Variants in FAM171A1 observed in about 807,000 individuals in gnomAD.
FAM171A1 encodes protein FAM171A1.
A neutral mutation model predicts 74.9 loss-of-function variants in FAM171A1; 23 were observed. That is an observed-to-expected ratio of 0.31 (90% confidence interval 0.22 to 0.44). FAM171A1 has a LOEUF of 0.44. Among genes scored for constraint, FAM171A1 ranks in the 20% least tolerant of loss-of-function variants. FAM171A1 has a pLI of 1.00. For missense variants in FAM171A1, 1,162 were observed against 1,159.2 expected (o/e 1.00, Z -0.03); for synonymous variants, 527 against 505.7 (o/e 1.04, Z -0.57).
intron 5 of FAM171A1, among the ~76,000 whole-genome samples, chr10:15,227,154 C>A (rs979486046): frequency 5.9e-5 from 9 of 152,134 alleles, no homozygotes; most frequent in Admixed American, 1.3e-4. Context: ...CACCTGCCAC[C>A]ACAACCAGCT....
rs1833907980 is a variant in FAM171A1, at chr10:15,212,837, C to G, written c.*78G>C. On this transcript the variant is annotated 3_prime_UTR_variant, in exon 8 of 8. Transcript: ENST00000378116. ...CGGCTGGGCTGCCGTTCCGTTTCCT[C>G]CACGAACGGGTACGCGCTTCCATGA... The G allele has an allele frequency of 1.3e-6, 2 of 1,557,356 alleles. No homozygotes were observed. Among genetic ancestry groups the G allele is most frequent in the South Asian group, 2.5e-5 (2 of 81,440 alleles).
chr10:15,226,299 G>A (rs372005031), intron 5 of FAM171A1, among the ~76,000 whole-genome samples: 8 of 152,302 alleles, frequency 5.3e-5, no homozygotes, highest in Non-Finnish European at 7.4e-5. Flanking sequence ...GCCTGTTACC[G>A]GGACTGCATG....
chr10:15,235,435 C>T (rs1834275563), intron 5 of FAM171A1, among the ~76,000 whole-genome samples: 1 of 150,068 alleles, frequency 6.7e-6, no homozygotes, highest in Admixed American at 6.6e-5. Flanking sequence ...AACATACATA[C>T]ACATGACATC....
In FAM171A1 at chr10:15,367,598, T is replaced by C. The variant is rs539050123; in HGVS notation, c.97+3358A>G. ...TGGATGATCCTCCTGATACCTTACA[T>C]GGCTTCGTGGTCTTTCAACAGATCC... On this transcript the variant is annotated intron_variant, in intron 1 of 7. Transcript: ENST00000378116. Among the ~76,000 whole-genome samples the C allele has an allele frequency of 2.0e-5, 3 of 152,352 alleles. 1 individual carries two copies. The East Asian group carries it at 5.8e-4, about 29-fold the overall frequency.
intron 5 of FAM171A1, among the ~76,000 whole-genome samples, chr10:15,224,541 C>T (rs1366245406): frequency 1.3e-5 from 2 of 152,050 alleles, no homozygotes; most frequent in Non-Finnish European, 2.9e-5. Flanking sequence ...CCCACAATTC[C>T]TGTGTGTTGT....
At chr10:15,341,701 G>A (rs1835766353) in intron 1 of FAM171A1, among the ~76,000 whole-genome samples, 1 of 152,208 alleles carries the variant, frequency 6.6e-6, no homozygotes, top group South Asian at 2.1e-4. Flanking sequence ...TTATCAGAGA[G>A]TATGCAGAGC....
intron 1 of FAM171A1, among the ~76,000 whole-genome samples, chr10:15,355,749 G>A (rs949644587): frequency 6.6e-6 from 1 of 151,812 alleles, no homozygotes; most frequent in Non-Finnish European, 1.5e-5. Context: ...AAATAAATAA[G>A]TAAAGAGGGA....
chr10:15,303,623 G>C (rs922474318), intron 1 of FAM171A1, among the ~76,000 whole-genome samples: 13 of 152,220 alleles, frequency 8.5e-5, no homozygotes, highest in African/African-American at 3.1e-4. Context: ...ATGGGAAGTT[G>C]TTTTTTCAAG....
chr10:15,219,613 G>A (rs1171020288), intron 6 of FAM171A1, among the ~76,000 whole-genome samples: 4 of 151,960 alleles, frequency 2.6e-5, no homozygotes, highest in Admixed American at 1.3e-4. Context: ...AGGGTGTCTC[G>A]CTCTGTCGCC....
intron 5 of FAM171A1, among the ~76,000 whole-genome samples, chr10:15,221,642 G>A (rs774349650): frequency 2.0e-5 from 3 of 152,224 alleles, no homozygotes; most frequent in Non-Finnish European, 4.4e-5. Context: ...GGTCCCTGCT[G>A]TATCTTCCAG....
rs577407168 is a variant in FAM171A1, at chr10:15,263,932, C to T, written c.419-9053G>A. ...CCGTCCATCCTTCCGTCCGTCCGTC[C>T]GTCCATCCATCCATCCAACCATCCA... On this transcript the variant is annotated intron_variant, in intron 3 of 7. Coordinates refer to ENST00000378116, the MANE Select transcript of FAM171A1 (RefSeq NM_001010924.2). Among the ~76,000 whole-genome samples, 13 of 151,782 alleles carry T rather than the reference C, an allele frequency of 8.6e-5. No homozygotes were observed. The East Asian group carries it at 1.7e-3, about 20-fold the overall frequency.
chr10:15,288,826 T>TC (rs1835069695), intron 1 of FAM171A1, among the ~76,000 whole-genome samples: 2 of 128,750 alleles, frequency 1.6e-5, no homozygotes, highest in Non-Finnish European at 3.3e-5. Context: ...TTTTTTTTTT[T>TC]TTTTTTTTTT....
intron 1 of FAM171A1, among the ~76,000 whole-genome samples, chr10:15,314,491 G>C (rs78212057): frequency 6.6e-6 from 1 of 152,240 alleles, no homozygotes; most frequent in Non-Finnish European, 1.5e-5. Context: ...ATGGGTTACC[G>C]GGTCCATCTG....
intron 1 of FAM171A1, among the ~76,000 whole-genome samples, chr10:15,324,126 C>G (rs749968703): frequency 6.6e-6 from 1 of 152,160 alleles, no homozygotes; most frequent in African/African-American, 2.4e-5. Flanking sequence ...AACCTCCACC[C>G]CAGCACGTGT....
At chr10:15,347,410 T>A (rs1180649697) in intron 1 of FAM171A1, among the ~76,000 whole-genome samples, 5 of 152,188 alleles carry the variant, frequency 3.3e-5, no homozygotes, top group African/African-American at 1.2e-4. Context: ...TAAAAGCAGA[T>A]GAAAGACAGC....
At chr10:15,222,829 G>C (rs911445530) in intron 5 of FAM171A1, among the ~76,000 whole-genome samples, 5 of 152,372 alleles carry the variant, frequency 3.3e-5, no homozygotes, top group South Asian at 4.1e-4. Context: ...GCACCAGCGA[G>C]GGCTCGGCAT....
At chr10:15,316,470 G>A (rs752343227) in intron 1 of FAM171A1, among the ~76,000 whole-genome samples, 2 of 152,192 alleles carry the variant, frequency 1.3e-5, no homozygotes, top group African/African-American at 2.4e-5. Flanking sequence ...AGCATTCCTC[G>A]GGGTGAGTCC....
intron 1 of FAM171A1, among the ~76,000 whole-genome samples, chr10:15,307,764 C>G (rs1416176020): frequency 6.6e-6 from 1 of 151,108 alleles, no homozygotes; most frequent in Non-Finnish European, 1.5e-5. Context: ...AATCAACCAA[C>G]CAATAAGTCT....
intron 1 of FAM171A1, among the ~76,000 whole-genome samples, chr10:15,338,756 AT>A (rs1564284292): frequency 1.3e-5 from 2 of 151,934 alleles, no homozygotes; most frequent in Non-Finnish European, 2.9e-5. Context: ...ATTTTATTTT[AT>A]TTTTTGAGAC....
Sources: allele counts gnomAD v4.1 joint callset (sites outside exome capture counted in the v4.1 genomes callset), GRCh38; gene constraint gnomAD v4.1.1; transcripts MANE v1.5; gene names NCBI Gene and HGNC (gene_info 2026-07-23, HGNC 2026-07-21).